Variants in SLC8A2 observed in about 807,000 individuals in gnomAD.
The protein encoded by SLC8A2 is sodium/calcium exchanger 2.
A neutral mutation model predicts 70.2 loss-of-function variants in SLC8A2; 14 were observed. The ratio of observed to expected loss-of-function variants is 0.20; its 90% CI spans 0.13 to 0.31. The LOEUF is 0.31. SLC8A2 is among the 10% of genes least tolerant of loss of function. The probability of loss-of-function intolerance (pLI) is 1.00; values close to 1 mark genes in which losing one functional copy is unlikely to be tolerated. For synonymous variants in SLC8A2, 575 were observed against 594.3 expected, an observed-to-expected ratio of 0.97 and a Z score of 0.47; for missense variants, 779 against 1,320.1, an observed-to-expected ratio of 0.59 and a Z score of 6.35.
Position 47,447,960 on chromosome 19 carries a change from T to C in SLC8A2, c.1612A>G (p.Met538Val). The change falls in exon 4 of 10, where the codon ATG becomes GTG. Residue 538 changes from methionine to valine, a missense_variant. Coordinates refer to ENST00000236877, the MANE Select transcript of SLC8A2 (RefSeq NM_015063.3). This position sits in a 1 kb window ranked among gnomAD's most constrained non-coding sequence, Gnocchi z 5.1. Reference protein sequence around the residue: ...QDRLLHVSECMGTVDVRVVRS... With the variant: ...QDRLLHVSECVGTVDVRVVRS... ...ACGACGCGCACGTCCACGGTGCCCA[T>C]GCACTCGCTCACGTGCAGCAGGCGG... 2 of 1,561,572 alleles carry C rather than the reference T, an allele frequency of 1.3e-6. No homozygotes were observed. The highest frequency in any genetic ancestry group is 1.2e-5 in the South Asian group (1 of 85,822).
chr19:47,453,329 T>C (rs536930736), intron 3 of SLC8A2, among the ~76,000 whole-genome samples: 3 of 152,330 alleles, frequency 2.0e-5, no homozygotes, highest in South Asian at 4.1e-4. Flanking sequence ...TCCTCAGATA[T>C]GGTGGTTTTA....
intron 6 of SLC8A2, among the ~76,000 whole-genome samples, chr19:47,440,042 C>T (rs34015162): frequency 0.1 from 15,576 of 152,200 alleles, 872 homozygotes; most frequent in Middle Eastern, 0.16. Flanking sequence ...CTTCCTCCAA[C>T]GAATACAATC....
intron 3 of SLC8A2, among the ~76,000 whole-genome samples, chr19:47,455,091 G>A (rs963385287): frequency 2.0e-5 from 3 of 152,040 alleles, no homozygotes; most frequent in African/African-American, 7.2e-5. Flanking sequence ...CTGAGAAAAA[G>A]AAGAAAGGAA....
At position 47,438,034 on chromosome 19, in the gene SLC8A2, C is replaced by T; in HGVS notation, c.1886-61G>A. The T allele has an allele frequency of 1.9e-6, 3 of 1,596,016 alleles. No homozygotes were observed. The South Asian group carries it at 3.3e-5, about 18-fold the overall frequency. ...GACCTACCTAATTGGGCCTGTGACGCCTTTACTACCTGTCCCCATAGTTAG... is the reference window on the plus strand; with the variant it reads ...GACCTACCTAATTGGGCCTGTGACGTCTTTACTACCTGTCCCCATAGTTAG... On this transcript the variant is annotated intron_variant, in intron 6 of 9. Transcript: ENST00000236877.
chr19:47,438,756 C>G (rs1967062611), intron 6 of SLC8A2, among the ~76,000 whole-genome samples: 5 of 152,158 alleles, frequency 3.3e-5, no homozygotes. Flanking sequence ...AAACCCTAAT[C>G]CCGACTCTAA....
At chr19:47,458,999 CT>C (rs892424843) in intron 2 of SLC8A2, among the ~76,000 whole-genome samples, 34 of 151,292 alleles carry the variant, frequency 2.2e-4, no homozygotes, top group East Asian at 1.6e-3. Context: ...TCCCCACCCC[CT>C]TTTCTCTCTC....
chr19:47,449,393 G>A (rs1329203821), intron 3 of SLC8A2, among the ~76,000 whole-genome samples: 1 of 152,060 alleles, frequency 6.6e-6, no homozygotes, highest in African/African-American at 2.4e-5. Context: ...CTCCATCTTG[G>A]CTCACTGCAA....
Position 47,432,075 on chromosome 19 carries a change from T to C in SLC8A2, c.2389+92A>G. 7.9e-7 allele frequency: 1 copy of C among 1,264,154 alleles called. No individual in the cohort carries two copies. Among genetic ancestry groups the C allele is most frequent in the Non-Finnish European group, 1.1e-6 (1 of 910,666 alleles). The allele number at this position is 1,264,154 out of a possible 1,614,324, so 78.3% of individuals were successfully genotyped here. On this transcript the variant is annotated intron_variant, in intron 9 of 9. Transcript: ENST00000236877. The surrounding 1 kb of genome is among the most constrained non-coding windows in gnomAD (Gnocchi z 6.2). ...TGAGACCCACCACATGGGCGCTGTG[T>C]GACTCCACCCACCTCATTTTGGCAG...
At chr19:47,467,836 CAAA>C (rs35745146) in intron 1 of SLC8A2, among the ~76,000 whole-genome samples, 3 of 38,414 alleles carry the variant, frequency 7.8e-5, no homozygotes, top group Non-Finnish European at 1.4e-4. Context: ...TCTAAAAATA[CAAA>C]AAAAAAAAAA....
At chr19:47,469,197 G>A (rs1056972877) in intron 1 of SLC8A2, among the ~76,000 whole-genome samples, 10 of 151,540 alleles carry the variant, frequency 6.6e-5, no homozygotes, top group South Asian at 2.1e-4. Flanking sequence ...AAGGGCCACC[G>A]CACAATTAGC....
chr19:47,445,599 C>T (rs1967151211), intron 4 of SLC8A2, among the ~76,000 whole-genome samples: 1 of 152,188 alleles, frequency 6.6e-6, no homozygotes, highest in East Asian at 1.9e-4. Flanking sequence ...CAAAGCGCCT[C>T]TAATTAGTGC....
rs748854194 is a variant in SLC8A2 at position 47,428,794 on chromosome 19, G to C, written c.*1295C>G. Reference sequence around the variant, plus strand: ...TGGGATGTTGGGGCTGAGCACAACAGGACGATAGAATGCTGAAAACCTGTG... The same window carrying C: ...TGGGATGTTGGGGCTGAGCACAACACGACGATAGAATGCTGAAAACCTGTG... On this transcript the variant is annotated 3_prime_UTR_variant, in exon 10 of 10. Transcript: ENST00000236877. The C allele has an allele frequency of 6.6e-6, 1 of 152,620 alleles. No homozygotes were observed. Among genetic ancestry groups the C allele is most frequent in the Non-Finnish European group, 1.5e-5 (1 of 68,074 alleles). 9.5% of individuals were successfully genotyped at this position (152,620 alleles called of 1,614,324 possible).
At chr19:47,435,414 C>A (rs1212913678) in intron 8 of SLC8A2, among the ~76,000 whole-genome samples, 1 of 152,132 alleles carries the variant, frequency 6.6e-6, no homozygotes, top group Non-Finnish European at 1.5e-5. Flanking sequence ...TCCGCCTCAT[C>A]CTCCGTCTCC....
At chr19:47,456,896 G>T (rs1568445596) in intron 3 of SLC8A2, 34 bp downstream of exon 3, 2 of 1,540,292 alleles carry the variant, frequency 1.3e-6, no homozygotes, top group Non-Finnish European at 8.7e-7. Context: ...GCCTGCGCCA[G>T]CCCCCTGCAC....
At chr19:47,454,634 G>A (rs201931748) in intron 3 of SLC8A2, among the ~76,000 whole-genome samples, 2 of 152,148 alleles carry the variant, frequency 1.3e-5, no homozygotes, top group East Asian at 3.9e-4. Flanking sequence ...AGGAAAGGTG[G>A]ATGGAGATGG....
intron 3 of SLC8A2, among the ~76,000 whole-genome samples, chr19:47,453,500 G>A (rs1967268752): frequency 6.6e-6 from 1 of 152,196 alleles, no homozygotes; most frequent in Non-Finnish European, 1.5e-5. Context: ...GCAATGCCAG[G>A]CCTCGAATGT....
rs754200750 is a variant in SLC8A2 at position 47,448,219 on chromosome 19, C to T, written c.1353G>A (p.Leu451=). The change falls in exon 4 of 10, where the codon CTG becomes CTA. Residue 451 remains leucine, a synonymous_variant. Transcript: ENST00000236877. The surrounding 1 kb of genome is among the most constrained non-coding windows in gnomAD (Gnocchi z 4.8). Reference sequence around the variant, plus strand: ...TCTGCGTCTCGCCTGGTTTGAACACCAGCGTGCCCTCGCTGCGGCGGGGTG... The same window carrying T: ...TCTGCGTCTCGCCTGGTTTGAACACTAGCGTGCCCTCGCTGCGGCGGGGTG... The part of the protein sequence containing the change: ...GSDYEYSEGT[L]VFKPGETQKE... The T allele has an allele frequency of 4.4e-6, 7 of 1,595,372 alleles. No homozygotes were observed. The highest frequency in any genetic ancestry group is 2.2e-5 in the East Asian group (1 of 44,448).
At chr19:47,435,569 G>A (rs1967018078) in intron 8 of SLC8A2, among the ~76,000 whole-genome samples, 1 of 102,260 alleles carries the variant, frequency 9.8e-6, no homozygotes, top group Non-Finnish European at 1.8e-5. Flanking sequence ...TTTTTTTTTA[G>A]ACGGAGTTTC....
intron 3 of SLC8A2, among the ~76,000 whole-genome samples, chr19:47,453,650 C>G (rs917946098): frequency 6.6e-6 from 1 of 152,174 alleles, no homozygotes; most frequent in African/African-American, 2.4e-5. Context: ...CCTGTAATCC[C>G]AGCATTTTGG....
Sources: allele counts gnomAD v4.1 joint callset (sites outside exome capture counted in the v4.1 genomes callset), GRCh38; gene constraint gnomAD v4.1.1; non-coding constraint Gnocchi (gnomAD v3.1); transcripts MANE v1.5; gene names NCBI Gene and HGNC (gene_info 2026-07-23, HGNC 2026-07-21).